The following POLR3E variants were observed in gnomAD, a reference collection of about 807,000 sequenced individuals.
POLR3E encodes DNA-directed RNA polymerase III subunit RPC5.
In POLR3E, 41 loss-of-function variants were observed where a neutral mutation model predicts 96.6. The observed-to-expected ratio is 0.42, with a 90% CI of 0.33 to 0.55. The LOEUF is 0.55. Ranked by LOEUF, POLR3E falls within the 20% of genes least tolerant of loss-of-function variation. The pLI is 0.06. For synonymous variants in POLR3E, 396 were observed against 383.6 expected, an observed-to-expected ratio of 1.03 and a Z score of -0.38; for missense variants, 849 against 952.1, an observed-to-expected ratio of 0.89 and a Z score of 1.43.
chr16:22,312,677 C>T (rs1432548989), intron 6 of POLR3E, among the ~76,000 whole-genome samples: 4 of 151,828 alleles, frequency 2.6e-5, no homozygotes, highest in Non-Finnish European at 5.9e-5. Context: ...CTATCCTGGC[C>T]AACATGGTGA....
At chr16:22,323,823 G>A (rs937076531) in intron 14 of POLR3E, among the ~76,000 whole-genome samples, 11 of 152,280 alleles carry the variant, frequency 7.2e-5, no homozygotes, top group South Asian at 2.1e-4. Flanking sequence ...CTATGTTAGC[G>A]TAGGTGATAG....
Position 22,316,608 on chromosome 16 carries a change from G to T in POLR3E, c.650G>T (p.Arg217Leu), listed in dbSNP as rs771119082. 1 of 1,613,494 alleles carries T rather than the reference G, an allele frequency of 6.2e-7. No individual in the cohort carries two copies. The highest frequency in any genetic ancestry group is 8.5e-7 in the Non-Finnish European group (1 of 1,179,600). Reference protein sequence around the residue: ...HLHYYGLRDSRSEHERQYLLC... With the variant: ...HLHYYGLRDSLSEHERQYLLC... ...CCTGCCCTCCTCCAACAGGACAGTCGCTCTGAGCATGAGCGTCAGTACCTG... is the reference window on the plus strand; with the variant it reads ...CCTGCCCTCCTCCAACAGGACAGTCTCTCTGAGCATGAGCGTCAGTACCTG... The change falls in exon 10 of 21, where the codon CGC (arginine) becomes CTC (leucine). Residue 217 changes from arginine to leucine, a missense_variant. Arg to Leu is a moderately radical substitution (Grantham distance 102). Transcript: ENST00000299853.
rs199890611 is a variant in POLR3E at position 22,302,938 on chromosome 16, T to A, written c.-31T>A. On this transcript the variant is annotated 5_prime_UTR_variant, in exon 2 of 21. Transcript: ENST00000299853. ...TCTCGCCCTCCTTTGCAGATCGAGC[T>A]GAAGGACTGCGCGGCTGGCTCTCCT... 8.7e-6 allele frequency: 14 copies of A among 1,610,718 alleles called. No homozygotes were observed. The highest frequency in any genetic ancestry group is 1.2e-5 in the Non-Finnish European group (14 of 1,176,858).
Position 22,326,071 on chromosome 16 carries a change from C to T in POLR3E, c.1659C>T (p.Cys553=), listed in dbSNP as rs745350641. The change falls in exon 18 of 21, where the codon TGC becomes TGT. Residue 553 remains cysteine (C), a synonymous_variant. Transcript: ENST00000299853. ...TCAACGGGCACCCGCCCCAGGGCTG[C>T]GCCAGCACCCCTGTGGCTCGGGAAC... The part of the protein sequence containing the change: ...DSFNGHPPQG[C]ASTPVARELK... 3.7e-5 allele frequency: 59 copies of T among 1,611,934 alleles called. No homozygotes were observed. Among genetic ancestry groups the T allele is most frequent in the Non-Finnish European group, 3.5e-5 (41 of 1,178,848 alleles).
rs1371170048 is a variant in POLR3E at position 22,323,038 on chromosome 16, G to A, written c.1068+107G>A. 8 of 711,258 alleles carry A rather than the reference G, an allele frequency of 1.1e-5. No individual in the cohort carries two copies. The Middle Eastern group carries it at 1.1e-3, about 94-fold the overall frequency. The allele number at this position is 711,258 out of a possible 1,614,324, so 44.1% of individuals were successfully genotyped here. A position where few individuals can be genotyped will look rare whatever the true frequency, so the allele number is the denominator to read the frequency against. ...CCCGGCAGAGGCTCCAGGTGGAGGC[G>A]GGTGTGTGAGGAGGCCCTGGCCTCT... is the stretch of plus-strand genomic sequence containing the variant. On this transcript the variant is annotated intron_variant, in intron 14 of 20. Transcript: ENST00000299853.
In POLR3E at chr16:22,302,833, G is replaced by T. The variant is rs147625767; in HGVS notation, c.-38-98G>T. On this transcript the variant is annotated intron_variant, in intron 1 of 20. Coordinates refer to ENST00000299853, the MANE Select transcript of POLR3E (RefSeq NM_018119.4). ...TAGAAAGAAGGTCAGTTGGTTGGTT[G>T]TGGGCTCCCCCTCCCAGTGCAGGGC... 1.2e-3 allele frequency: 995 copies of T among 820,254 alleles called. 10 individuals are homozygous for T. The African/African-American group carries it at 0.015, about 12-fold the overall frequency. 50.8% of individuals were successfully genotyped at this position (820,254 alleles called of 1,614,324 possible).
rs2141710220 is a variant in POLR3E, at chr16:22,297,441, T to G, written c.-135T>G. 6.6e-6 allele frequency: 1 copy of G among 152,526 alleles called. No individual in the cohort carries two copies. Among genetic ancestry groups the G allele is most frequent in the Middle Eastern group, 3.4e-3 (1 of 296 alleles). 9.4% of individuals were successfully genotyped at this position (152,526 alleles called of 1,614,324 possible). On this transcript the variant is annotated 5_prime_UTR_variant, in exon 1 of 21. The change abolishes an upstream ATG in the 5' untranslated region. Transcript: ENST00000299853. Reference sequence around the variant, plus strand: ...CGCCGGAGTTTCTCCACCAGCAACATGGCCGCCGCCTGAGAGGAGAGCCGG... The same window carrying G: ...CGCCGGAGTTTCTCCACCAGCAACAGGGCCGCCGCCTGAGAGGAGAGCCGG...
chr16:22,322,893 G>T lies in POLR3E; in HGVS notation c.1030G>T (p.Val344Leu). The change falls in exon 14 of 21, where the codon GTG becomes TTG. Residue 344 changes from valine (V) to leucine (L), a missense_variant. Val to Leu is a conservative substitution (Grantham distance 32). Coordinates refer to ENST00000299853, the MANE Select transcript of POLR3E (RefSeq NM_018119.4). This position sits in a 1 kb window ranked among gnomAD's most constrained non-coding sequence, Gnocchi z 5.2. The stretch of plus-strand genomic sequence containing the variant: ...GGACTCGTCCAGCCCTCACAGCGGC[G>T]TGCCTGCTGAGGTGCTCTGCAGGGG... ...PKDSSSPHSGVPAEVLCRGRD... is the reference protein window; with the variant it reads ...PKDSSSPHSGLPAEVLCRGRD... The T allele has an allele frequency of 2.5e-6, 4 of 1,613,380 alleles. No individual in the cohort carries two copies. The highest frequency in any genetic ancestry group is 3.4e-6 in the Non-Finnish European group (4 of 1,179,632).
Position 22,330,405 on chromosome 16 carries a change from T to TATCA in POLR3E, c.1945-1654_1945-1651dup, listed in dbSNP as rs368908517. Among the ~76,000 whole-genome samples, 4 of 152,226 alleles carry TATCA rather than the reference T, an allele frequency of 2.6e-5. 1 individual carries two copies. The highest frequency in any genetic ancestry group is 6.5e-5 in the Admixed American group (1 of 15,284). Reference sequence around the variant, plus strand: ...AGGCCTTTACCTCTTTTTAATTGGCTATCATTGTTTATAGCATTGTCACAG... The same window carrying TATCA: ...AGGCCTTTACCTCTTTTTAATTGGCTATCAATCATTGTTTATAGCATTGTCACAG... On this transcript the variant is annotated intron_variant, in intron 19 of 20. Coordinates refer to ENST00000299853, the MANE Select transcript of POLR3E (RefSeq NM_018119.4).
Position 22,318,312 on chromosome 16 carries a change from T to C in POLR3E, c.866-514T>C, listed in dbSNP as rs2141780493. Among the ~76,000 whole-genome samples, 1 of 152,298 alleles carries C rather than the reference T, an allele frequency of 6.6e-6. No homozygotes were observed. Among genetic ancestry groups the C allele is most frequent in the African/African-American group, 2.4e-5 (1 of 41,560 alleles). On this transcript the variant is annotated intron_variant, in intron 12 of 20. Transcript: ENST00000299853. This position sits in a 1 kb window ranked among gnomAD's most constrained non-coding sequence, Gnocchi z 5.0. ...TTTCGCCTTGTTGGCCAGGCTAGTC[T>C]CAAATTCCTGGCCTCAAGTGATCTG...
intron 2 of POLR3E, among the ~76,000 whole-genome samples, chr16:22,304,925 CA>C (rs935899102): frequency 6.6e-5 from 10 of 152,222 alleles, no homozygotes; most frequent in African/African-American, 2.4e-4. Flanking sequence ...GTGGGGGTAC[CA>C]GGTGAACTCT....
intron 1 of POLR3E, among the ~76,000 whole-genome samples, chr16:22,298,485 TTAGGGATGAAAA>T (rs1403519141): frequency 1.3e-5 from 2 of 152,164 alleles, no homozygotes; most frequent in Non-Finnish European, 2.9e-5. Flanking sequence ...TTTCCCTACT[TTAGGGATGAAAA>T]TAGGGAGGAA....
rs2048802343 is a variant in POLR3E at position 22,334,144 on chromosome 16, C to G, written c.*444C>G. 1.3e-5 allele frequency: 2 copies of G among 155,124 alleles called. No homozygotes were observed. Among genetic ancestry groups the G allele is most frequent in the South Asian group, 4.1e-4 (2 of 4,890 alleles). The allele number at this position is 155,124 out of a possible 1,614,324, so 9.6% of individuals were successfully genotyped here. A position where few individuals can be genotyped will look rare whatever the true frequency, so the allele number is the denominator to read the frequency against. ...AAATGCCTAGAAGACAATATTTAGT[C>G]TTGGATTATCTATCTGCTAAGACCT... On this transcript the variant is annotated 3_prime_UTR_variant, in exon 21 of 21. Transcript: ENST00000299853.
At chr16:22,325,553 G>C (rs1193169096) in intron 17 of POLR3E, among the ~76,000 whole-genome samples, 1 of 152,158 alleles carries the variant, frequency 6.6e-6, no homozygotes, top group Non-Finnish European at 1.5e-5. Flanking sequence ...AAGAGCTGCT[G>C]GGGGGAGGAA....
chr16:22,303,034 G>A (rs559671493), intron 2 of POLR3E, 30 bp downstream of exon 2: 26 of 1,606,272 alleles, frequency 1.6e-5, no homozygotes, highest in African/African-American at 1.3e-4. Flanking sequence ...CCCTGCCGCC[G>A]GGGCTACAGG....
intron 3 of POLR3E, among the ~76,000 whole-genome samples, chr16:22,306,230 A>G (rs1314232329): frequency 6.6e-6 from 1 of 152,124 alleles, no homozygotes; most frequent in African/African-American, 2.4e-5. Context: ...TGGTAGCTAT[A>G]GCCTGCATCA....
In POLR3E at chr16:22,309,030, A is replaced by G; in HGVS notation, c.271A>G (p.Thr91Ala). The change falls in exon 5 of 21, where the codon ACG (threonine) becomes GCG (alanine). Residue 91 changes from threonine (T) to alanine (A), a missense_variant. By Grantham distance (58) the Thr-to-Ala change is moderately conservative. Transcript: ENST00000299853. ...CGGGGCCTGCGCCGACGAGACCAGCACGTATTCCTCGTGAGTTTCCGGCCC... is the reference window on the plus strand; with the variant it reads ...CGGGGCCTGCGCCGACGAGACCAGCGCGTATTCCTCGTGAGTTTCCGGCCC... ...VDGACADETS[T>A]YSSKLMDKQT... is the part of the protein sequence containing the mutation. 1.9e-6 allele frequency: 3 copies of G among 1,611,260 alleles called. No individual in the cohort carries two copies. Among genetic ancestry groups the G allele is most frequent in the Non-Finnish European group, 2.5e-6 (3 of 1,177,606 alleles).
chr16:22,315,938 G>A (rs1285632701), intron 9 of POLR3E, among the ~76,000 whole-genome samples: 1 of 152,154 alleles, frequency 6.6e-6, no homozygotes, highest in Non-Finnish European at 1.5e-5. Flanking sequence ...TAAGTGCTGG[G>A]ATTACAGGCG....
intron 19 of POLR3E, among the ~76,000 whole-genome samples, chr16:22,330,663 C>T (rs1313765425): frequency 6.6e-6 from 1 of 152,122 alleles, no homozygotes; most frequent in Admixed American, 6.6e-5. Flanking sequence ...CTGCTTCTTC[C>T]TTGCTTTAGC....
Sources: allele counts gnomAD v4.1 joint callset (sites outside exome capture counted in the v4.1 genomes callset), GRCh38; gene constraint gnomAD v4.1.1; non-coding constraint Gnocchi (gnomAD v3.1); transcripts MANE v1.5; gene names NCBI Gene and HGNC (gene_info 2026-07-23, HGNC 2026-07-21).